MEGF6: variants seen among roughly 807,000 people sequenced by gnomAD.
MEGF6 encodes the protein multiple EGF like domains 6.
A neutral mutation model predicts 207.1 loss-of-function variants in MEGF6; 184 were observed. The ratio of observed to expected loss-of-function variants is 0.89; its 90% CI spans 0.79 to 1.00. MEGF6 has a LOEUF of 1.00. MEGF6 is among the 50% of genes least tolerant of loss of function. The probability of loss-of-function intolerance (pLI) is 0.00; values close to 1 mark genes in which losing one functional copy is unlikely to be tolerated. For missense variants in MEGF6, 2,282 were observed against 2,202.9 expected (o/e 1.04, Z -0.72); for synonymous variants, 1,038 against 910.0 (o/e 1.14, Z -2.53).
At chr1:3,582,908 C>T (rs189932952) in intron 3 of MEGF6, among the ~76,000 whole-genome samples, 20 of 152,334 alleles carry the variant, frequency 1.3e-4, no homozygotes, top group African/African-American at 4.3e-4. Flanking sequence ...ACTTCCCATG[C>T]CAGGCCCTGG....
intron 4 of MEGF6, among the ~76,000 whole-genome samples, chr1:3,542,168 C>G (rs559656378): frequency 1.3e-5 from 2 of 152,338 alleles, no homozygotes; most frequent in East Asian, 3.9e-4. Context: ...AGCACAGTGT[C>G]GGGGCTGAAT....
rs1423017950 is a variant in MEGF6 at position 3,499,923 on chromosome 1, C to T, written c.2709G>A (p.Gln903=). Residue 903 remains glutamine (Q), a splice_region_variant and synonymous_variant, in exon 22 of 37, where the codon CAG becomes CAA. Coordinates refer to ENST00000356575, the MANE Select transcript of MEGF6 (RefSeq NM_001409.4). ...CGGGCCCAAAGTGGCCCTGGGGACA[C>T]TCTGAGATATGCAGCCCCGGCCCAC... ...AGYVGPRCEQ[Q]CPQGHFGPGC... The T allele has an allele frequency of 1.3e-6, 2 of 1,560,980 alleles. No homozygotes were observed. Among genetic ancestry groups the T allele is most frequent in the African/African-American group, 2.7e-5 (2 of 73,566 alleles).
intron 3 of MEGF6, 66 bp from the exon 4 acceptor site, chr1:3,579,995 T>C (rs1188469614): frequency 3.7e-5 from 44 of 1,202,416 alleles, no homozygotes; most frequent in Non-Finnish European, 4.8e-5. Context: ...AGGTGAGGCC[T>C]GAGGGTCTCT....
chr1:3,506,146 A>C lies in MEGF6; in HGVS notation c.1880T>G (p.Leu627Arg). 6.3e-7 allele frequency: 1 copy of C among 1,598,912 alleles called. No individual in the cohort carries two copies. The highest frequency in any genetic ancestry group is 8.5e-7 in the Non-Finnish European group (1 of 1,173,388). Residue 627 changes from leucine (L) to arginine (R), a missense_variant, in exon 15 of 37, where the codon CTC (leucine) becomes CGC (arginine). By Grantham distance (102) the Leu-to-Arg change is moderately radical. Coordinates refer to ENST00000356575, the MANE Select transcript of MEGF6 (RefSeq NM_001409.4). ...GRCHRLYGAC[L>R]CDPGLYGRFC... is the part of the protein sequence containing the mutation. ...GCGGCCGTAGAGCCCTGGGTCGCAG[A>C]GGCAGGCCCCGTAGAGGCGGTGGCA...
rs1361378876 is a variant in MEGF6 at position 3,511,640 on chromosome 1, A to C, written c.1024T>G (p.Cys342Gly). Residue 342 changes from cysteine (C) to glycine (G), a missense_variant, in exon 9 of 37, where the codon TGC (cysteine) becomes GGC (glycine). Physicochemically the swap from Cys to Gly is radical, Grantham distance 159. Coordinates refer to ENST00000356575, the MANE Select transcript of MEGF6 (RefSeq NM_001409.4). ...VNSCEANNGG[C>G]SHGCSHTSAG... ...CTGGTGTGGCTGCAGCCATGGGAGC[A>C]GCCGCCGTTGTTGGCCTCACAGCTG... 6.2e-7 allele frequency: 1 copy of C among 1,611,710 alleles called. No individual in the cohort carries two copies. Among genetic ancestry groups the C allele is most frequent in the Non-Finnish European group, 8.5e-7 (1 of 1,179,368 alleles).
At chr1:3,608,080 C>T (rs1035097299) in intron 1 of MEGF6, among the ~76,000 whole-genome samples, 2 of 152,132 alleles carry the variant, frequency 1.3e-5, no homozygotes, top group Non-Finnish European at 2.9e-5. Context: ...GGGCGGGGCT[C>T]GCTCAGGCCA....
chr1:3,498,580 A>C, intron 25 of MEGF6, 81 bp from the exon 26 acceptor site: 1 of 1,488,218 alleles, frequency 6.7e-7, no homozygotes, highest in South Asian at 1.3e-5. Context: ...TCCTGCACGC[A>C]GAGCTGAAGC....
chr1:3,588,627 G>A (rs1439104110), intron 3 of MEGF6, among the ~76,000 whole-genome samples: 2 of 151,952 alleles, frequency 1.3e-5, no homozygotes, highest in Non-Finnish European at 2.9e-5. Flanking sequence ...TGGGCCGTGG[G>A]TGCCTGGGGG....
intron 3 of MEGF6, among the ~76,000 whole-genome samples, chr1:3,586,463 G>A (rs1000583442): frequency 6.6e-6 from 1 of 152,186 alleles, no homozygotes; most frequent in African/African-American, 2.4e-5. Flanking sequence ...AGATGCAAAC[G>A]TGTGCCTGGC....
chr1:3,590,841 T>A (rs1296186036), intron 3 of MEGF6, among the ~76,000 whole-genome samples: 1 of 151,842 alleles, frequency 6.6e-6, no homozygotes, highest in Non-Finnish European at 1.5e-5. Flanking sequence ...CTCTAAAGAG[T>A]GAGCGTCTGT....
intron 21 of MEGF6, 129 bp from the exon 22 acceptor site, chr1:3,500,053 A>G (rs1319360372): frequency 7.5e-7 from 1 of 1,336,148 alleles, no homozygotes; most frequent in Non-Finnish European, 9.9e-7. Context: ...TTCCTGCCCA[A>G]GGGAGACTGG....
At chr1:3,491,068 C>A in intron 35 of MEGF6, 109 bp from the exon 36 acceptor site, 1 of 1,039,030 alleles carries the variant, frequency 9.6e-7, no homozygotes. Context: ...TCCACTTCCC[C>A]CGCACAGTCT....
At chr1:3,536,498 G>T (rs865814821) in intron 4 of MEGF6, among the ~76,000 whole-genome samples, 2 of 152,168 alleles carry the variant, frequency 1.3e-5, no homozygotes, top group African/African-American at 4.8e-5. Flanking sequence ...GTGGCCGTGG[G>T]GGGCAGCAGC....
chr1:3,517,825 C>T (rs1428979171), intron 5 of MEGF6, among the ~76,000 whole-genome samples: 1 of 152,248 alleles, frequency 6.6e-6, no homozygotes, highest in Non-Finnish European at 1.5e-5. Context: ...CCACAGCCCT[C>T]ACCTGGCTCA....
At chr1:3,538,798 G>A (rs1422324246) in intron 4 of MEGF6, among the ~76,000 whole-genome samples, 3 of 151,852 alleles carry the variant, frequency 2.0e-5, no homozygotes, top group Admixed American at 6.6e-5. Context: ...CCAGCTGTGC[G>A]AGGCCCGGGG....
At chr1:3,561,397 TCACTAA>T (rs1481245032) in intron 4 of MEGF6, among the ~76,000 whole-genome samples, 7 of 152,036 alleles carry the variant, frequency 4.6e-5, no homozygotes, top group Non-Finnish European at 1.0e-4. Flanking sequence ...GGTGAAGAAG[TCACTAA>T]CACTGTTTCC....
intron 4 of MEGF6, 94 bp from the exon 5 acceptor site, chr1:3,524,340 T>TA: frequency 6.6e-7 from 1 of 1,525,424 alleles, no homozygotes; most frequent in South Asian, 1.2e-5. Flanking sequence ...CAGACCCAGG[T>TA]CCCTCCCGTG....
At chr1:3,541,139 G>T (rs532880428) in intron 4 of MEGF6, among the ~76,000 whole-genome samples, 1 of 152,292 alleles carries the variant, frequency 6.6e-6, no homozygotes, top group East Asian at 1.9e-4. Context: ...CTCTGACTCC[G>T]CAAATGCTCC....
chr1:3,613,958 T>C (rs898950627), upstream of MEGF6, among the ~76,000 whole-genome samples: 2 of 152,124 alleles, frequency 1.3e-5, no homozygotes, highest in African/African-American at 4.8e-5. Flanking sequence ...GGAAGAGTCC[T>C]GGGTAGGCCC....
Sources: gnomAD v4.1 joint callset for allele counts (sites outside exome capture counted in the v4.1 genomes callset) on GRCh38, gnomAD v4.1.1 for gene constraint, MANE v1.5 for transcripts, NCBI Gene and HGNC (gene_info 2026-07-23, HGNC 2026-07-21) for gene names.